Variants in MBD5 observed in about 807,000 individuals in gnomAD.
The protein encoded by MBD5 is methyl-CpG-binding domain protein 5.
A neutral mutation model predicts 117.3 loss-of-function variants in MBD5; 13 were observed. The observed-to-expected ratio is 0.11, with a 90% confidence interval of 0.07 to 0.18. The LOEUF is 0.18. Ranked by LOEUF, MBD5 falls within the 10% of genes least tolerant of loss-of-function variation. The probability of loss-of-function intolerance (pLI) is 1.00; values close to 1 mark genes in which losing one functional copy is unlikely to be tolerated. For missense variants in MBD5, 1,879 were observed against 2,093.8 expected, an observed-to-expected ratio of 0.90 and a Z score of 2.00; for synonymous variants, 727 against 766.4, an observed-to-expected ratio of 0.95 and a Z score of 0.85.
At chr2:148,450,973 C>T (rs1362940087) in intron 4 of MBD5, among the ~76,000 whole-genome samples, 7 of 152,158 alleles carry the variant, frequency 4.6e-5, no homozygotes, top group Non-Finnish European at 1.0e-4. Context: ...GAGCCTGTCT[C>T]TCTGTACCTT....
chr2:148,345,384 CATATACAT>C (rs1559032943), intron 4 of MBD5, among the ~76,000 whole-genome samples: 1 of 137,282 alleles, frequency 7.3e-6, no homozygotes, highest in Non-Finnish European at 1.6e-5. Flanking sequence ...CACATATACA[CATATACAT>C]ATACATATAT....
chr2:148,325,437 A>G (rs1254292744), intron 3 of MBD5, among the ~76,000 whole-genome samples: 2 of 152,230 alleles, frequency 1.3e-5, no homozygotes, highest in African/African-American at 4.8e-5. Flanking sequence ...TACCTCTGGT[A>G]GAATTCGGCT....
chr2:148,154,803 A>G (rs554351312), intron 1 of MBD5, among the ~76,000 whole-genome samples: 1 of 152,220 alleles, frequency 6.6e-6, no homozygotes, highest in East Asian at 1.9e-4. Context: ...CGCACGGTGC[A>G]CACACCCACT....
At chr2:148,327,589 A>C (rs1702494489) in intron 3 of MBD5, among the ~76,000 whole-genome samples, 1 of 151,314 alleles carries the variant, frequency 6.6e-6, no homozygotes, top group East Asian at 1.9e-4. Context: ...CATTTCATTC[A>C]TTTCATCTTC....
chr2:148,163,281 C>T (rs944049837), intron 1 of MBD5, among the ~76,000 whole-genome samples: 5 of 152,152 alleles, frequency 3.3e-5, no homozygotes, highest in Non-Finnish European at 7.4e-5. Context: ...ACTTTAGGCC[C>T]ATTCCTGGGT....
intron 1 of MBD5, among the ~76,000 whole-genome samples, chr2:148,155,296 G>A (rs1350233504): frequency 6.6e-6 from 1 of 152,198 alleles, no homozygotes; most frequent in East Asian, 1.9e-4. Context: ...GTTACAGGAT[G>A]AGGAAACAGC....
At chr2:148,379,357 A>G (rs1014866184) in intron 4 of MBD5, among the ~76,000 whole-genome samples, 1 of 152,074 alleles carries the variant, frequency 6.6e-6, no homozygotes, top group Admixed American at 6.6e-5. Context: ...GTGGAATAAC[A>G]TTTTCAAAGT....
intron 1 of MBD5, among the ~76,000 whole-genome samples, chr2:148,088,307 C>T (rs1573999962): frequency 1.3e-5 from 2 of 152,172 alleles, no homozygotes; most frequent in South Asian, 4.1e-4. Flanking sequence ...TTGAGGAAAA[C>T]TTCCCTGGCC....
At chr2:148,429,645 ACCATGGAATG>A (rs1705922457) in intron 4 of MBD5, among the ~76,000 whole-genome samples, 1 of 152,108 alleles carries the variant, frequency 6.6e-6, no homozygotes, top group African/African-American at 2.4e-5. Context: ...GCACATATAC[ACCATGGAATG>A]CTATGCAGCC....
intron 4 of MBD5, among the ~76,000 whole-genome samples, chr2:148,443,134 A>G (rs1706379008): frequency 6.6e-6 from 1 of 151,506 alleles, no homozygotes; most frequent in African/African-American, 2.5e-5. Context: ...GCAAACAGGC[A>G]TATGAAAAGG....
At chr2:148,411,512 C>CTTTTTTTTTTTTT (rs1188326755) in intron 4 of MBD5, among the ~76,000 whole-genome samples, 3 of 97,450 alleles carry the variant, frequency 3.1e-5, no homozygotes, top group Admixed American at 1.3e-4. Context: ...AGCATCTGTT[C>CTTTTTTTTTTTTT]TTTTTTTTTT....
Position 148,513,815 on chromosome 2 carries a change from C to T in MBD5, c.*874C>T, listed in dbSNP as rs1216899183. ...TTCTGTAGTTAACATTTGATAGCCACCTGTTGAAGCAGATAGCTTATACTG... is the reference window on the plus strand; with the variant it reads ...TTCTGTAGTTAACATTTGATAGCCATCTGTTGAAGCAGATAGCTTATACTG... On this transcript the variant is annotated 3_prime_UTR_variant, in exon 14 of 14. Transcript: ENST00000642680. 6.6e-6 allele frequency: 1 copy of T among 152,276 alleles called. No homozygotes were observed. Among genetic ancestry groups the T allele is most frequent in the South Asian group, 2.1e-4 (1 of 4,826 alleles). The allele number at this position is 152,276 out of a possible 1,614,324, so 9.4% of individuals were successfully genotyped here.
chr2:148,160,291 G>C (rs867823977), intron 1 of MBD5, among the ~76,000 whole-genome samples: 1 of 152,074 alleles, frequency 6.6e-6, no homozygotes, highest in African/African-American at 2.4e-5. Context: ...CCAGCTACTT[G>C]GGAGGCTTAG....
At chr2:148,297,908 G>A (rs185915974) in intron 3 of MBD5, among the ~76,000 whole-genome samples, 23 of 152,234 alleles carry the variant, frequency 1.5e-4, no homozygotes, top group Non-Finnish European at 1.9e-4. Flanking sequence ...GGAGAGCTTC[G>A]GAGTTCTCTG....
At chr2:148,029,227 C>CTT (rs199956962) in intron 1 of MBD5, among the ~76,000 whole-genome samples, 5 of 145,212 alleles carry the variant, frequency 3.4e-5, no homozygotes, top group African/African-American at 5.0e-5. Flanking sequence ...TAAAATTAAG[C>CTT]TTTTTTTTTT....
At chr2:148,411,512 C>CTTTTTTTTTT (rs1188326755) in intron 4 of MBD5, among the ~76,000 whole-genome samples, 41 of 97,424 alleles carry the variant, frequency 4.2e-4, no homozygotes, top group Middle Eastern at 9.8e-3. Context: ...AGCATCTGTT[C>CTTTTTTTTTT]TTTTTTTTTT....
chr2:148,406,924 C>T (rs929352363), intron 4 of MBD5, among the ~76,000 whole-genome samples: 3 of 152,164 alleles, frequency 2.0e-5, no homozygotes, highest in African/African-American at 4.8e-5. Flanking sequence ...CCCATATGCT[C>T]TCTTGAACCC....
At chr2:148,390,059 C>T (rs1457241631) in intron 4 of MBD5, among the ~76,000 whole-genome samples, 1 of 152,130 alleles carries the variant, frequency 6.6e-6, no homozygotes, top group Non-Finnish European at 1.5e-5. Flanking sequence ...TCAGGTCTTA[C>T]ATTTAAGTCT....
intron 4 of MBD5, among the ~76,000 whole-genome samples, chr2:148,363,390 G>A (rs1006937435): frequency 3.9e-5 from 6 of 151,902 alleles, no homozygotes; most frequent in Admixed American, 2.0e-4. Context: ...CCGCCACCAC[G>A]CCCGGCTAAT....
Sources: allele counts gnomAD v4.1 joint callset (sites outside exome capture counted in the v4.1 genomes callset), GRCh38; gene constraint gnomAD v4.1.1; transcripts MANE v1.5; gene names NCBI Gene and HGNC (gene_info 2026-07-23, HGNC 2026-07-21).